PPARG: variants seen among roughly 807,000 people sequenced by gnomAD.
The protein encoded by PPARG is peroxisome proliferator-activated receptor gamma.
A neutral mutation model predicts 39.2 loss-of-function variants in PPARG; 17 were observed. That is an observed-to-expected ratio of 0.43 (90% CI 0.30 to 0.65). The LOEUF (loss-of-function observed/expected upper bound fraction) is 0.65. PPARG is among the 30% of genes least tolerant of loss of function. PPARG has a pLI of 0.13. For synonymous variants in PPARG, 223 were observed against 215.7 expected, an observed-to-expected ratio of 1.03 and a Z score of -0.30; for missense variants, 406 against 585.9, an observed-to-expected ratio of 0.69 and a Z score of 3.17.
intron 4 of PPARG, among the ~76,000 whole-genome samples, chr3:12,391,215 G>A (rs922755057): frequency 4.6e-5 from 7 of 152,100 alleles, no homozygotes; most frequent in African/African-American, 1.2e-4. Flanking sequence ...TATTCCTGCC[G>A]CTGAGGAACT....
chr3:12,389,250 G>A (rs1240087317), intron 4 of PPARG, among the ~76,000 whole-genome samples: 1 of 152,136 alleles, frequency 6.6e-6, no homozygotes, highest in Non-Finnish European at 1.5e-5. Context: ...TGAGTAAGTA[G>A]TGAGAAGAAG....
chr3:12,379,557 G>T lies in PPARG; in HGVS notation c.-8-147G>T, dbSNP rs13306745. ...CATAAAACAGCCTAGACAGCACTAA[G>T]AAGGTGGTTATGTTCTTTTCTGTTG... is the stretch of plus-strand genomic sequence containing the variant. On this transcript the variant is annotated intron_variant, in intron 2 of 7. Coordinates refer to ENST00000651735, the MANE Select transcript of PPARG (RefSeq NM_138711.6). 3,826 of 717,230 alleles carry T rather than the reference G, an allele frequency of 5.3e-3. 131 individuals are homozygous for T. The East Asian group carries it at 0.075, about 14-fold the overall frequency. The allele number at this position is 717,230 out of a possible 1,614,324, so 44.4% of individuals were successfully genotyped here. A position where few individuals can be genotyped will look rare whatever the true frequency, so the allele number is the denominator to read the frequency against.
At chr3:12,432,815 G>T (rs2051706156) in intron 7 of PPARG, among the ~76,000 whole-genome samples, 1 of 152,188 alleles carries the variant, frequency 6.6e-6, no homozygotes, top group African/African-American at 2.4e-5. Flanking sequence ...AAATCAATTA[G>T]TTTTCTGCAC....
chr3:12,339,595 T>A (rs1041772893), intron 2 of PPARG, among the ~76,000 whole-genome samples: 1 of 152,214 alleles, frequency 6.6e-6, no homozygotes, highest in Admixed American at 6.5e-5. Flanking sequence ...AAAAATACTT[T>A]TAGTGGAACC....
chr3:12,292,740 C>T (rs185514889), intron 1 of PPARG, among the ~76,000 whole-genome samples: 9 of 152,242 alleles, frequency 5.9e-5, no homozygotes, highest in African/African-American at 2.2e-4. Context: ...CCTCTGCAAG[C>T]GGTGTCTTGG....
Position 12,417,902 on chromosome 3 carries a change from C to CTTTTTTTTTTTTTTTTTTTTTTTT in PPARG, c.1180+771_1180+772insTTTTTTTTTTTTTTTTTTTTTTTT, listed in dbSNP as rs869086237. On this transcript the variant is annotated intron_variant, in intron 7 of 7. Coordinates refer to ENST00000651735, the MANE Select transcript of PPARG (RefSeq NM_138711.6). Reference sequence around the variant, plus strand: ...CTTTTTTTTTTCTTTTTTTTTTTTCCTTTTTTTTTTTTTTTTTTTTTTTGT... The same window carrying CTTTTTTTTTTTTTTTTTTTTTTTT: ...CTTTTTTTTTTCTTTTTTTTTTTTCCTTTTTTTTTTTTTTTTTTTTTTTTTTTTTTTTTTTTTTTTTTTTTTTGT... 1.5e-4 allele frequency among the ~76,000 whole-genome samples: 10 copies of CTTTTTTTTTTTTTTTTTTTTTTTT among 65,900 alleles called. 1 individual carries two copies. The highest frequency in any genetic ancestry group is 1.9e-4 in the Non-Finnish European group (7 of 36,642). The allele number at this position is 65,900 out of a possible 152,430, so 43.2% of individuals were successfully genotyped here. A position where few individuals can be genotyped will look rare whatever the true frequency, so the allele number is the denominator to read the frequency against.
At chr3:12,395,656 T>C (rs1423470411) in intron 5 of PPARG, among the ~76,000 whole-genome samples, 2 of 152,252 alleles carry the variant, frequency 1.3e-5, no homozygotes, top group Non-Finnish European at 2.9e-5. Flanking sequence ...GACTGATTGA[T>C]ATGCTTCAGA....
chr3:12,412,606 C>T (rs1188558025), intron 6 of PPARG, among the ~76,000 whole-genome samples: 2 of 152,124 alleles, frequency 1.3e-5, no homozygotes, highest in Admixed American at 1.3e-4. Context: ...TTCTTCATTC[C>T]GTTCTGGTCT....
intron 2 of PPARG, among the ~76,000 whole-genome samples, chr3:12,376,494 G>A (rs1393385600): frequency 3.3e-5 from 5 of 152,250 alleles, no homozygotes; most frequent in Non-Finnish European, 7.4e-5. Flanking sequence ...CCATAAGCCT[G>A]TTTCATCAAT....
At chr3:12,287,798 GCCC>G (rs1559479676), upstream of PPARG, 3 of 43,316 alleles carry the variant, frequency 6.9e-5, no homozygotes, top group East Asian at 1.1e-3. Context: ...CGCCGCCCCC[GCCC>G]CCGCCCCCGC....
At chr3:12,413,158 A>G (rs916466832) in intron 6 of PPARG, among the ~76,000 whole-genome samples, 22 of 152,216 alleles carry the variant, frequency 1.4e-4, no homozygotes, top group Admixed American at 5.9e-4. Context: ...ATGCAGACCA[A>G]ATTTGACCAG....
intron 2 of PPARG, among the ~76,000 whole-genome samples, chr3:12,344,646 C>T (rs554800939): frequency 5.3e-5 from 8 of 152,176 alleles, no homozygotes; most frequent in African/African-American, 1.9e-4. Flanking sequence ...CTCTATATAC[C>T]GTCTCTTCCT....
chr3:12,295,920 C>T (rs2046769874), intron 1 of PPARG, among the ~76,000 whole-genome samples: 1 of 152,014 alleles, frequency 6.6e-6, no homozygotes, highest in Non-Finnish European at 1.5e-5. Context: ...TCTATTCCAG[C>T]ATATAGCACA....
At chr3:12,405,474 G>A (rs1470214652) in intron 5 of PPARG, among the ~76,000 whole-genome samples, 1 of 152,170 alleles carries the variant, frequency 6.6e-6, no homozygotes, top group Non-Finnish European at 1.5e-5. Context: ...ATTTTAATTC[G>A]TGAAACGTGT....
At chr3:12,395,494 G>T (rs928678254) in intron 5 of PPARG, among the ~76,000 whole-genome samples, 2 of 152,160 alleles carry the variant, frequency 1.3e-5, no homozygotes, top group African/African-American at 4.8e-5. Flanking sequence ...AGGCTATGTA[G>T]GGTTACAGCT....
Position 12,330,171 on chromosome 3 carries a change from G to T in PPARG, c.-9+17718G>T, listed in dbSNP as rs561637681. The stretch of plus-strand genomic sequence containing the variant: ...GTATATACCCAGGAGTGAAATGCTG[G>T]GTCACATGGTAATTCTGTTTTGCTT... On this transcript the variant is annotated intron_variant, in intron 2 of 7. Transcript: ENST00000651735. 1.8e-4 allele frequency among the ~76,000 whole-genome samples: 27 copies of T among 151,968 alleles called. 1 individual carries two copies. Among genetic ancestry groups the T allele is most frequent in the Admixed American group, 3.3e-4 (5 of 15,268 alleles).
chr3:12,361,582 G>A (rs1046179723), intron 2 of PPARG, among the ~76,000 whole-genome samples: 24 of 152,138 alleles, frequency 1.6e-4, no homozygotes, highest in South Asian at 6.2e-4. Context: ...GACCTGCTTC[G>A]TTTATTGAAA....
At chr3:12,374,603 AAAAACAAAAC>A (rs371146794) in intron 2 of PPARG, among the ~76,000 whole-genome samples, 2 of 152,194 alleles carry the variant, frequency 1.3e-5, no homozygotes, top group Admixed American at 6.5e-5. Context: ...CACCAAAAAC[AAAAACAAAAC>A]AAAACAAAAA....
chr3:12,336,899 G>A (rs1472583362), intron 2 of PPARG, among the ~76,000 whole-genome samples: 1 of 152,204 alleles, frequency 6.6e-6, no homozygotes, highest in Non-Finnish European at 1.5e-5. Context: ...AGTTTGAATA[G>A]GGTACTCTCC....
Sources: allele counts gnomAD v4.1 joint callset (sites outside exome capture counted in the v4.1 genomes callset), GRCh38; gene constraint gnomAD v4.1.1; transcripts MANE v1.5; gene names NCBI Gene and HGNC (gene_info 2026-07-23, HGNC 2026-07-21).